ADM5: variants seen among roughly 807,000 people sequenced by gnomAD.
ADM5 encodes putative adrenomedullin-5-like protein.
In ADM5, 1 loss-of-function variant was observed where a neutral mutation model predicts 2.9. The ratio of observed to expected loss-of-function variants is 0.35; its 90% confidence interval spans 0.12 to 1.65. ADM5 has a LOEUF of 1.65. ADM5 is among the 40% of genes most tolerant of loss of function. ADM5 has a pLI of 0.36. For synonymous variants in ADM5, 90 were observed against 91.1 expected (o/e 0.99, Z 0.07); for missense variants, 192 against 205.2 (o/e 0.94, Z 0.39).
In ADM5 at chr19:49,690,540, C is replaced by G; in HGVS notation, c.*47C>G. ...GACCAGGCTGGGCGAAGAACACTGA[C>G]GCCCAGAGCCGAATAAACAAGAGTT... is the stretch of plus-strand genomic sequence containing the variant. On this transcript the variant is annotated 3_prime_UTR_variant, in exon 2 of 2. Transcript: ENST00000420022. The surrounding 1 kb of genome is among the most constrained non-coding windows in gnomAD (Gnocchi z 4.4). The G allele has an allele frequency of 1.4e-6, 2 of 1,401,366 alleles. No individual in the cohort carries two copies. Among genetic ancestry groups the G allele is most frequent in the Non-Finnish European group, 1.9e-6 (2 of 1,051,930 alleles). The allele number at this position is 1,401,366 out of a possible 1,614,324, so 86.8% of individuals were successfully genotyped here. A position where few individuals can be genotyped will look rare whatever the true frequency, so the allele number is the denominator to read the frequency against.
In ADM5 at chr19:49,690,023, T is replaced by A; in HGVS notation, c.75-83T>A. The A allele has an allele frequency of 6.3e-7, 1 of 1,592,220 alleles. No homozygotes were observed. The highest frequency in any genetic ancestry group is 8.6e-7 in the Non-Finnish European group (1 of 1,168,056). On this transcript the variant is annotated intron_variant, in intron 1 of 1. Coordinates refer to ENST00000420022, the MANE Select transcript of ADM5 (RefSeq NM_001101340.2). The surrounding 1 kb of genome is among the most constrained non-coding windows in gnomAD (Gnocchi z 4.4). ...GATCTGTAAGCCTCCCCGCTGGTCT[T>A]GGAGTGCTTGGGTGCCCACCTCCAT...
chr19:49,689,975 T>TC (rs2082292891), intron 1 of ADM5, 64 bp downstream of exon 1: 37 of 1,611,372 alleles, frequency 2.3e-5, no homozygotes, highest in Non-Finnish European at 3.1e-5. Context: ...GAGCGCCCTC[T>TC]CCCGGCCGCG....
At position 49,690,370 on chromosome 19, in the gene ADM5, G is replaced by A. The variant is rs770611485; in HGVS notation, c.339G>A (p.Thr113=). 8.6e-5 allele frequency: 133 copies of A among 1,551,508 alleles called. No homozygotes were observed. Among genetic ancestry groups the A allele is most frequent in the Non-Finnish European group, 1.1e-4 (125 of 1,146,930 alleles). The part of the protein sequence containing the change: ...QCPARWVTSG[T]ARPLLGFSLP... Reference sequence around the variant, plus strand: ...CAGCTCGCTGGGTGACCTCGGGCACGGCTCGTCCCCTCCTCGGCTTCAGTT... The same window carrying A: ...CAGCTCGCTGGGTGACCTCGGGCACAGCTCGTCCCCTCCTCGGCTTCAGTT... The change falls in exon 2 of 2, where the codon ACG becomes ACA. Residue 113 remains threonine (T), a synonymous_variant. Transcript: ENST00000420022. The surrounding 1 kb of genome is among the most constrained non-coding windows in gnomAD (Gnocchi z 4.4).
chr19:49,689,603 G>C lies in ADM5; in HGVS notation c.-235G>C. 1 of 596,392 alleles carries C rather than the reference G, an allele frequency of 1.7e-6. No homozygotes were observed. 36.9% of individuals were successfully genotyped at this position (596,392 alleles called of 1,614,324 possible). A position where few individuals can be genotyped will look rare whatever the true frequency, so the allele number is the denominator to read the frequency against. On this transcript the variant is annotated 5_prime_UTR_variant, in exon 1 of 2. Transcript: ENST00000420022. ...CAGCTGGTGTGACCCCACACACCCA[G>C]TGAGGTCTCTGGAGCCGCGGTGCGG... is the stretch of plus-strand genomic sequence containing the variant.
chr19:49,690,336 C>T lies in ADM5; in HGVS notation c.305C>T (p.Ala102Val), dbSNP rs866381318. Residue 102 changes from alanine (A) to valine (V), a missense_variant, in exon 2 of 2, where the codon GCG (alanine) becomes GTG (valine). By Grantham distance (64) the Ala-to-Val change is moderately conservative. Transcript: ENST00000420022. The surrounding 1 kb of genome is among the most constrained non-coding windows in gnomAD (Gnocchi z 4.4). ...TTCCGGCCTGCAGCGAGGGGGCTAG[C>T]GCAGTGCCCAGCTCGCTGGGTGACC... ...PGFRPAARGL[A>V]QCPARWVTSG... The T allele has an allele frequency of 6.4e-7, 1 of 1,551,534 alleles. No homozygotes were observed. Among genetic ancestry groups the T allele is most frequent in the South Asian group, 1.2e-5 (1 of 84,034 alleles).
chr19:49,690,315 G>A lies in ADM5; in HGVS notation c.284G>A (p.Arg95Gln). 6.4e-7 allele frequency: 1 copy of A among 1,551,344 alleles called. No homozygotes were observed. The highest frequency in any genetic ancestry group is 8.7e-7 in the Non-Finnish European group (1 of 1,146,742). ...GGSPARFPGF[R>Q]PAARGLAQCP... Reference sequence around the variant, plus strand: ...AGCCCGGCTCGGTTCCCAGGATTCCGGCCTGCAGCGAGGGGGCTAGCGCAG... The same window carrying A: ...AGCCCGGCTCGGTTCCCAGGATTCCAGCCTGCAGCGAGGGGGCTAGCGCAG... Residue 95 changes from arginine to glutamine, a missense_variant, in exon 2 of 2, where the codon CGG becomes CAG. Coordinates refer to ENST00000420022, the MANE Select transcript of ADM5 (RefSeq NM_001101340.2). The surrounding 1 kb of genome is among the most constrained non-coding windows in gnomAD (Gnocchi z 4.4).
rs2082304008 is a variant in ADM5, at chr19:49,690,314, C to T, written c.283C>T (p.Arg95Trp). 4 of 1,551,192 alleles carry T rather than the reference C, an allele frequency of 2.6e-6. No homozygotes were observed. The highest frequency in any genetic ancestry group is 1.2e-5 in the South Asian group (1 of 84,028). ...GGSPARFPGF[R>W]PAARGLAQCP... ...AAGCCCGGCTCGGTTCCCAGGATTC[C>T]GGCCTGCAGCGAGGGGGCTAGCGCA... Residue 95 changes from arginine to tryptophan, a missense_variant, in exon 2 of 2, where the codon CGG (arginine) becomes TGG (tryptophan). Transcript: ENST00000420022. This position sits in a 1 kb window ranked among gnomAD's most constrained non-coding sequence, Gnocchi z 4.4.
At position 49,690,413 on chromosome 19, in the gene ADM5, G is replaced by A; in HGVS notation, c.382G>A (p.Glu128Lys). 6.4e-7 allele frequency: 1 copy of A among 1,551,258 alleles called. No homozygotes were observed. The highest frequency in any genetic ancestry group is 8.7e-7 in the Non-Finnish European group (1 of 1,146,732). Reference sequence around the variant, plus strand: ...CTTCAGTTTGCCTATCTGTATGTTGGAGCTTCTACTCCACATTTCTTCTCC... The same window carrying A: ...CTTCAGTTTGCCTATCTGTATGTTGAAGCTTCTACTCCACATTTCTTCTCC... ...LGFSLPICML[E>K]LLLHISSPLT... Residue 128 changes from glutamate to lysine, a missense_variant, in exon 2 of 2, where the codon GAG becomes AAG. Physicochemically the swap from Glu to Lys is moderately conservative, Grantham distance 56. Transcript: ENST00000420022. This position sits in a 1 kb window ranked among gnomAD's most constrained non-coding sequence, Gnocchi z 4.4.
In ADM5 at chr19:49,690,120, A is replaced by G; in HGVS notation, c.89A>G (p.Gln30Arg). 1 of 1,559,774 alleles carries G rather than the reference A, an allele frequency of 6.4e-7. No individual in the cohort carries two copies. Among genetic ancestry groups the G allele is most frequent in the Non-Finnish European group, 8.7e-7 (1 of 1,151,748 alleles). ...TCCCTCTCCAGGCGAGGCCAGCACC[A>G]GGTCCCCCAGCACCGCGGGCACGTC... ...LDTAARRGQH[Q>R]VPQHRGHVCY... is the part of the protein sequence containing the mutation. The change falls in exon 2 of 2, where the codon CAG becomes CGG. Residue 30 changes from glutamine (Q) to arginine (R), a missense_variant. Gln to Arg is a conservative substitution (Grantham distance 43). Transcript: ENST00000420022. The surrounding 1 kb of genome is among the most constrained non-coding windows in gnomAD (Gnocchi z 4.4).
chr19:49,690,011 C>T lies in ADM5; in HGVS notation c.75-95C>T. The T allele has an allele frequency of 3.1e-6, 5 of 1,602,406 alleles. No individual in the cohort carries two copies. Among genetic ancestry groups the T allele is most frequent in the Admixed American group, 1.7e-5 (1 of 58,984 alleles). ...GAACGGGCAGGTGATCTGTAAGCCT[C>T]CCCGCTGGTCTTGGAGTGCTTGGGT... On this transcript the variant is annotated intron_variant, in intron 1 of 1. Coordinates refer to ENST00000420022, the MANE Select transcript of ADM5 (RefSeq NM_001101340.2). The surrounding 1 kb of genome is among the most constrained non-coding windows in gnomAD (Gnocchi z 4.4).
rs1175043848 is a variant in ADM5, at chr19:49,689,749, A to G, written c.-89A>G. 1.9e-5 allele frequency: 29 copies of G among 1,516,116 alleles called. No individual in the cohort carries two copies. The highest frequency in any genetic ancestry group is 2.6e-5 in the Non-Finnish European group (29 of 1,094,456). The allele number at this position is 1,516,116 out of a possible 1,614,324, so 93.9% of individuals were successfully genotyped here. On this transcript the variant is annotated 5_prime_UTR_variant, in exon 1 of 2. Transcript: ENST00000420022. ...GACTGGCCCTGGTACCTGGCTCCAG[A>G]GCTGCACCCAGAGGCGATCAGCCCG...
Position 49,690,525 on chromosome 19 carries a change from G to A in ADM5, c.*32G>A, listed in dbSNP as rs2082310411. 6.9e-7 allele frequency: 1 copy of A among 1,446,208 alleles called. No homozygotes were observed. Among genetic ancestry groups the A allele is most frequent in the Non-Finnish European group, 9.2e-7 (1 of 1,087,538 alleles). 89.6% of individuals were successfully genotyped at this position (1,446,208 alleles called of 1,614,324 possible). ...CCTAGAAGCACACGGGACCAGGCTG[G>A]GCGAAGAACACTGACGCCCAGAGCC... On this transcript the variant is annotated 3_prime_UTR_variant, in exon 2 of 2. Coordinates refer to ENST00000420022, the MANE Select transcript of ADM5 (RefSeq NM_001101340.2). The surrounding 1 kb of genome is among the most constrained non-coding windows in gnomAD (Gnocchi z 4.4).
rs1459880150 is a variant in ADM5, at chr19:49,690,494, G to A, written c.*1G>A. 3 of 1,501,446 alleles carry A rather than the reference G, an allele frequency of 2.0e-6. No homozygotes were observed. Among genetic ancestry groups the A allele is most frequent in the Non-Finnish European group, 2.7e-6 (3 of 1,117,078 alleles). The allele number at this position is 1,501,446 out of a possible 1,614,324, so 93.0% of individuals were successfully genotyped here. On this transcript the variant is annotated 3_prime_UTR_variant, in exon 2 of 2. Coordinates refer to ENST00000420022, the MANE Select transcript of ADM5 (RefSeq NM_001101340.2). This position sits in a 1 kb window ranked among gnomAD's most constrained non-coding sequence, Gnocchi z 4.4. ...CAGTCCCTCCCCGGGCTGCGACTAG[G>A]TTGGACCTAGAAGCACACGGGACCA...
At position 49,689,725 on chromosome 19, in the gene ADM5, ACTGGCC is replaced by A; in HGVS notation, c.-108_-103del. 7.5e-7 allele frequency: 1 copy of A among 1,329,870 alleles called. No individual in the cohort carries two copies. Among genetic ancestry groups the A allele is most frequent in the Non-Finnish European group, 1.1e-6 (1 of 934,138 alleles). The allele number at this position is 1,329,870 out of a possible 1,614,324, so 82.4% of individuals were successfully genotyped here. ...AGTGTTCCCCGCCTGGGAAGTGGGGACTGGCCCTGGTACCTGGCTCCAGAGCTGCAC... is the reference window on the plus strand; with the variant it reads ...AGTGTTCCCCGCCTGGGAAGTGGGGACTGGTACCTGGCTCCAGAGCTGCAC... On this transcript the variant is annotated 5_prime_UTR_variant, in exon 1 of 2. Coordinates refer to ENST00000420022, the MANE Select transcript of ADM5 (RefSeq NM_001101340.2).
At position 49,689,964 on chromosome 19, in the gene ADM5, C is replaced by A. The variant is rs1471317508; in HGVS notation, c.74+53C>A. 16 of 1,612,192 alleles carry A rather than the reference C, an allele frequency of 9.9e-6. No homozygotes were observed. The Admixed American group carries it at 2.5e-4, about 25-fold the overall frequency. ...AGGGCGGGAGGGAGACCGTAAAGGG[C>A]GAGCGCCCTCTCCCGGCCGCGGAAC... On this transcript the variant is annotated intron_variant, in intron 1 of 1. Coordinates refer to ENST00000420022, the MANE Select transcript of ADM5 (RefSeq NM_001101340.2).
chr19:49,689,782 A>G lies in ADM5; in HGVS notation c.-56A>G. On this transcript the variant is annotated 5_prime_UTR_variant, in exon 1 of 2. Transcript: ENST00000420022. ...CCAGAGGCGATCAGCCCGGTGCGGG[A>G]ACGGGGCGGGGTGGCCGCAACTACG... 6.2e-7 allele frequency: 1 copy of G among 1,603,510 alleles called. No homozygotes were observed. The highest frequency in any genetic ancestry group is 8.5e-7 in the Non-Finnish European group (1 of 1,170,948).
rs2082302932 is a variant in ADM5, at chr19:49,690,292, C to T, written c.261C>T (p.Ser87=). Residue 87 remains serine, a synonymous_variant, in exon 2 of 2, where the codon AGC becomes AGT. Transcript: ENST00000420022. This position sits in a 1 kb window ranked among gnomAD's most constrained non-coding sequence, Gnocchi z 4.4. ...LWAPPVARGG[S]PARFPGFRPA... ...CGCCGCCGGTGGCGCGAGGCGGAAG[C>T]CCGGCTCGGTTCCCAGGATTCCGGC... 2 of 1,551,442 alleles carry T rather than the reference C, an allele frequency of 1.3e-6. No homozygotes were observed. Among genetic ancestry groups the T allele is most frequent in the Non-Finnish European group, 1.7e-6 (2 of 1,146,838 alleles).
Position 49,689,682 on chromosome 19 carries a change from C to T in ADM5, c.-156C>T. ...CCCTCTGGTGTGGTGCGGCCTCTTCCCACAGACTTTTGGCCTCAGTGTTCC... is the reference window on the plus strand; with the variant it reads ...CCCTCTGGTGTGGTGCGGCCTCTTCTCACAGACTTTTGGCCTCAGTGTTCC... On this transcript the variant is annotated 5_prime_UTR_variant, in exon 1 of 2. Transcript: ENST00000420022. The T allele has an allele frequency of 1.1e-6, 1 of 925,248 alleles. No homozygotes were observed. Among genetic ancestry groups the T allele is most frequent in the East Asian group, 2.5e-5 (1 of 39,244 alleles). 57.3% of individuals were successfully genotyped at this position (925,248 alleles called of 1,614,324 possible).
Position 49,690,462 on chromosome 19 carries a change from T to C in ADM5, c.431T>C (p.Val144Ala), listed in dbSNP as rs2082308817. The change falls in exon 2 of 2, where the codon GTC (valine) becomes GCC (alanine). Residue 144 changes from valine to alanine, a missense_variant. Transcript: ENST00000420022. The surrounding 1 kb of genome is among the most constrained non-coding windows in gnomAD (Gnocchi z 4.4). Reference sequence around the variant, plus strand: ...CCCCTAACTCCAGCCCCTGAAACCGTCTTCCCCAGTCCCTCCCCGGGCTGC... The same window carrying C: ...CCCCTAACTCCAGCCCCTGAAACCGCCTTCCCCAGTCCCTCCCCGGGCTGC... The part of the protein sequence containing the change: ...SSPLTPAPET[V>A]FPSPSPGCD 1.0e-5 allele frequency: 16 copies of C among 1,529,478 alleles called. No homozygotes were observed. Among genetic ancestry groups the C allele is most frequent in the Non-Finnish European group, 1.4e-5 (16 of 1,131,880 alleles). The allele number at this position is 1,529,478 out of a possible 1,614,324, so 94.7% of individuals were successfully genotyped here. A position where few individuals can be genotyped will look rare whatever the true frequency, so the allele number is the denominator to read the frequency against.
Sources: allele counts gnomAD v4.1 joint callset, GRCh38; gene constraint gnomAD v4.1.1; non-coding constraint Gnocchi (gnomAD v3.1); transcripts MANE v1.5; gene names NCBI Gene and HGNC (gene_info 2026-07-23, HGNC 2026-07-21).